IL1RAPL1: variants seen among roughly 807,000 people sequenced by gnomAD.
IL1RAPL1 encodes interleukin-1 receptor accessory protein-like 1.
Under a neutral mutation model 48.4 loss-of-function variants are expected in IL1RAPL1, and 3 were observed. That is an observed-to-expected ratio of 0.06 (90% confidence interval 0.03 to 0.16). The LOEUF is 0.16. Among genes scored for constraint, IL1RAPL1 ranks in the 10% least tolerant of loss-of-function variants. The pLI is 1.00. For missense variants in IL1RAPL1, 349 were observed against 530.6 expected, an observed-to-expected ratio of 0.66 and a Z score of 3.36; for synonymous variants, 185 against 187.7, an observed-to-expected ratio of 0.99 and a Z score of 0.12.
chrX:29,730,915 A>G (rs943900688), intron 6 of IL1RAPL1, among the ~76,000 whole-genome samples: 1 of 112,169 alleles, frequency 8.9e-6, no homozygotes. Flanking sequence ...GCAATAATGT[A>G]TTTAGATCAG....
chrX:29,346,742 T>G (rs1480759002), intron 3 of IL1RAPL1, among the ~76,000 whole-genome samples: 3 of 112,291 alleles, frequency 2.7e-5, no homozygotes, highest in Non-Finnish European at 5.6e-5. Context: ...CTAATTGATT[T>G]TGTGAATTAC....
In IL1RAPL1 at chrX:29,752,008, T is replaced by C. The variant is rs1313197406; in HGVS notation, c.778+83504T>C. Among the ~76,000 whole-genome samples, 4 of 101,655 alleles carry C rather than the reference T, an allele frequency of 3.9e-5. 1 individual carries two copies. Among genetic ancestry groups the C allele is most frequent in the East Asian group, 6.1e-4 (2 of 3,275 alleles). The allele number at this position is 101,655 out of a possible 115,157, so 88.3% of individuals were successfully genotyped here. A position where few individuals can be genotyped will look rare whatever the true frequency, so the allele number is the denominator to read the frequency against. The stretch of plus-strand genomic sequence containing the variant: ...GTGTGTGTATATATATACACACACA[T>C]ATATATATGATAATATGTAACTACC... On this transcript the variant is annotated intron_variant, in intron 6 of 10. Transcript: ENST00000378993.
At chrX:29,856,976 T>C (rs1431455398) in intron 6 of IL1RAPL1, among the ~76,000 whole-genome samples, 1 of 111,335 alleles carries the variant, frequency 9.0e-6, no homozygotes, top group Non-Finnish European at 1.9e-5. Context: ...TAAGAAAAGA[T>C]TTGAAAATTA....
chrX:28,802,108 G>T (rs1357830145), intron 2 of IL1RAPL1, among the ~76,000 whole-genome samples: 5 of 111,565 alleles, frequency 4.5e-5, no homozygotes, highest in Non-Finnish European at 9.4e-5. Flanking sequence ...AGTGGAGGAT[G>T]TTATTAGCTT....
chrX:29,752,283 G>A (rs1928500341), intron 6 of IL1RAPL1, among the ~76,000 whole-genome samples: 1 of 106,924 alleles, frequency 9.4e-6, no homozygotes, highest in South Asian at 4.2e-4. Context: ...GGGTCACAAG[G>A]TCAGGAGATC....
intron 2 of IL1RAPL1, among the ~76,000 whole-genome samples, chrX:29,007,709 A>G (rs997179891): frequency 4.5e-5 from 5 of 111,907 alleles, no homozygotes; most frequent in Non-Finnish European, 7.5e-5. Context: ...AAAAATGACA[A>G]CAGGTGATTA....
chrX:29,404,423 C>T (rs1414134578), intron 5 of IL1RAPL1, among the ~76,000 whole-genome samples: 3 of 111,449 alleles, frequency 2.7e-5, no homozygotes, highest in East Asian at 2.8e-4. Flanking sequence ...TCCATTTTTA[C>T]ATCAATTTTC....
At chrX:28,857,738 G>A (rs2147300580) in intron 2 of IL1RAPL1, among the ~76,000 whole-genome samples, 1 of 111,614 alleles carries the variant, frequency 9.0e-6, no homozygotes, top group South Asian at 3.8e-4. Flanking sequence ...CTCAAGAGCT[G>A]CCATGGAGAT....
At chrX:28,983,171 T>G (rs1458342562) in intron 2 of IL1RAPL1, among the ~76,000 whole-genome samples, 1 of 112,155 alleles carries the variant, frequency 8.9e-6, no homozygotes, top group Non-Finnish European at 1.9e-5. Context: ...TCTATCCACA[T>G]TTGGATTATT....
At chrX:29,323,953 C>T (rs1468139723) in intron 3 of IL1RAPL1, among the ~76,000 whole-genome samples, 1 of 103,505 alleles carries the variant, frequency 9.7e-6, no homozygotes, top group African/African-American at 3.5e-5. Flanking sequence ...CCATCACAGT[C>T]CCCTAAGACC....
intron 2 of IL1RAPL1, among the ~76,000 whole-genome samples, chrX:28,918,778 C>CT (rs1477555739): frequency 9.0e-6 from 1 of 111,307 alleles, no homozygotes; most frequent in Non-Finnish European, 1.9e-5. Context: ...AAGCTCTGAG[C>CT]TGGGAACACA....
intron 5 of IL1RAPL1, among the ~76,000 whole-genome samples, chrX:29,659,923 G>T (rs764727067): frequency 8.9e-6 from 1 of 111,992 alleles, no homozygotes; most frequent in African/African-American, 3.2e-5. Flanking sequence ...ATGAAGAAAA[G>T]AGGTTTAATT....
intron 5 of IL1RAPL1, among the ~76,000 whole-genome samples, chrX:29,659,166 C>T (rs778793246): frequency 5.4e-5 from 6 of 111,900 alleles, no homozygotes; most frequent in Non-Finnish European, 1.1e-4. Context: ...CAACAGTAAC[C>T]AATACAGAAT....
intron 6 of IL1RAPL1, among the ~76,000 whole-genome samples, chrX:29,734,180 A>G (rs1332141493): frequency 8.9e-6 from 1 of 112,961 alleles, no homozygotes; most frequent in Non-Finnish European, 1.9e-5. Flanking sequence ...AGTAATAGGC[A>G]CAGGAAAAAA....
chrX:28,792,883 C>T (rs1936569221), intron 2 of IL1RAPL1, among the ~76,000 whole-genome samples: 1 of 68,638 alleles, frequency 1.5e-5, no homozygotes, highest in Non-Finnish European at 2.5e-5. Context: ...TTATAACATT[C>T]TTGATTGAAA....
At chrX:29,885,225 C>G (rs978524531) in intron 6 of IL1RAPL1, among the ~76,000 whole-genome samples, 2 of 112,075 alleles carry the variant, frequency 1.8e-5, no homozygotes, top group Non-Finnish European at 3.8e-5. Context: ...AGTTTTTTCT[C>G]AAATGTCACC....
At chrX:29,008,644 A>G (rs1483355427) in intron 2 of IL1RAPL1, among the ~76,000 whole-genome samples, 1 of 111,590 alleles carries the variant, frequency 9.0e-6, no homozygotes, top group Non-Finnish European at 1.9e-5. Flanking sequence ...TTCTTTTTCA[A>G]TGATTCTTTT....
At chrX:29,089,889 A>G (rs373850268) in intron 2 of IL1RAPL1, among the ~76,000 whole-genome samples, 104 of 101,880 alleles carry the variant, frequency 1.0e-3, no homozygotes, top group African/African-American at 3.2e-3. Flanking sequence ...GAGATGAAAC[A>G]TCTGATTCAG....
intron 3 of IL1RAPL1, among the ~76,000 whole-genome samples, chrX:29,297,540 A>G (rs1319408418): frequency 8.9e-6 from 1 of 112,371 alleles, no homozygotes; most frequent in Non-Finnish European, 1.9e-5. Flanking sequence ...GTTTTAGAAT[A>G]GAAACTCTTC....
Sources: gnomAD v4.1 joint callset for allele counts (sites outside exome capture counted in the v4.1 genomes callset) on GRCh38, gnomAD v4.1.1 for gene constraint, MANE v1.5 for transcripts, NCBI Gene and HGNC (gene_info 2026-07-23, HGNC 2026-07-21) for gene names.